Variants in PLA2G6 observed in about 807,000 individuals in gnomAD.
PLA2G6 encodes 85/88 kDa calcium-independent phospholipase A2.
PLA2G6 carries 62 observed loss-of-function variants against 83.8 expected under a neutral mutation model. That is an observed-to-expected ratio of 0.74 (90% CI 0.60 to 0.91). The LOEUF is 0.91. PLA2G6 is among the 40% of genes least tolerant of loss of function. The probability of loss-of-function intolerance (pLI) is 0.00; values close to 1 mark genes in which losing one functional copy is unlikely to be tolerated. For missense variants in PLA2G6, 944 were observed against 1,102.0 expected, an observed-to-expected ratio of 0.86 and a Z score of 2.03; for synonymous variants, 417 against 449.8, an observed-to-expected ratio of 0.93 and a Z score of 0.92.
intron 14 of PLA2G6, among the ~76,000 whole-genome samples, chr22:38,115,295 C>T (rs1407108910): frequency 2.0e-5 from 3 of 152,244 alleles, no homozygotes; most frequent in Non-Finnish European, 4.4e-5. Flanking sequence ...CCTCCCCACT[C>T]ATGCACACTT....
intron 12 of PLA2G6, among the ~76,000 whole-genome samples, chr22:38,118,109 A>G (rs2145697917): frequency 6.6e-6 from 1 of 152,274 alleles, no homozygotes; most frequent in East Asian, 1.9e-4. Context: ...TACATAAGGT[A>G]CGGTCAAAGA....
Position 38,143,305 on chromosome 22 carries a change from G to GGGTGAGCAGA in PLA2G6, c.426-27_426-18dup. 6.2e-7 allele frequency: 1 copy of GGGTGAGCAGA among 1,608,076 alleles called. No homozygotes were observed. The highest frequency in any genetic ancestry group is 8.5e-7 in the Non-Finnish European group (1 of 1,179,846). On this transcript the variant is annotated splice_polypyrimidine_tract_variant and intron_variant, in intron 3 of 16. Coordinates refer to ENST00000332509, the MANE Select transcript of PLA2G6 (RefSeq NM_003560.4). ...TTGGCACAGCTGCAGGAGAGGGCCAGGGTGAGCAGAGGTGAGCAGGTGTGG... is the reference window on the plus strand; with the variant it reads ...TTGGCACAGCTGCAGGAGAGGGCCAGGGTGAGCAGAGGTGAGCAGAGGTGAGCAGGTGTGG...
At chr22:38,120,183 A>ATT (rs1329164705) in intron 12 of PLA2G6, among the ~76,000 whole-genome samples, 1 of 152,252 alleles carries the variant, frequency 6.6e-6, no homozygotes, top group East Asian at 1.9e-4. Flanking sequence ...CTTCCCAAAC[A>ATT]AATGTTTCCT....
At chr22:38,138,676 A>C (rs1569269780) in intron 5 of PLA2G6, 1 of 151,532 alleles carries the variant, frequency 6.6e-6, no homozygotes. Context: ...GTTAGATAGT[A>C]TTTTTTTTCT....
At chr22:38,158,411 T>C (rs961754773) in intron 2 of PLA2G6, among the ~76,000 whole-genome samples, 9 of 152,298 alleles carry the variant, frequency 5.9e-5, no homozygotes, top group South Asian at 4.1e-4. Context: ...CCTCAGGTGA[T>C]CCACCCGCCT....
intron 14 of PLA2G6, among the ~76,000 whole-genome samples, chr22:38,114,738 A>T (rs2087086555): frequency 6.6e-6 from 1 of 152,170 alleles, no homozygotes; most frequent in Admixed American, 6.5e-5. Context: ...GGCTTCGGGA[A>T]ACCACAGCAG....
chr22:38,175,180 C>A (rs1416872018), intron 1 of PLA2G6, among the ~76,000 whole-genome samples: 1 of 152,190 alleles, frequency 6.6e-6, no homozygotes, highest in Non-Finnish European at 1.5e-5. Flanking sequence ...GGGGCCTGCA[C>A]TTGCGTCCTC....
At chr22:38,159,761 G>GAAGGAAGGAAGGAAGGAAGGAAGGA (rs543554981) in intron 2 of PLA2G6, among the ~76,000 whole-genome samples, 1 of 150,358 alleles carries the variant, frequency 6.7e-6, no homozygotes, top group African/African-American at 2.4e-5. Context: ...AGGAAGGAAG[G>GAAGGAAGGAAGGAAGGAAGGAAGGA]AGATCTTCAA....
intron 10 of PLA2G6, 125 bp downstream of exon 10, chr22:38,126,246 G>C (rs1299380178): frequency 6.6e-6 from 5 of 759,560 alleles, no homozygotes; most frequent in Non-Finnish European, 1.2e-5. Flanking sequence ...ATAAGACTAG[G>C]AGCAGAGCCA....
intron 2 of PLA2G6, among the ~76,000 whole-genome samples, chr22:38,161,975 C>G (rs1336417719): frequency 6.6e-6 from 1 of 152,048 alleles, no homozygotes; most frequent in Admixed American, 6.6e-5. Flanking sequence ...GAGGCCAAGG[C>G]AGGCATATCA....
At chr22:38,151,956 C>G (rs1415340073) in intron 2 of PLA2G6, among the ~76,000 whole-genome samples, 3 of 152,174 alleles carry the variant, frequency 2.0e-5, no homozygotes, top group Non-Finnish European at 4.4e-5. Flanking sequence ...CAAGGAGACC[C>G]TAACTCTATT....
At chr22:38,155,042 A>G (rs1009313866) in intron 2 of PLA2G6, among the ~76,000 whole-genome samples, 1 of 152,198 alleles carries the variant, frequency 6.6e-6, no homozygotes, top group Non-Finnish European at 1.5e-5. Flanking sequence ...CCTGGCTAAC[A>G]TGGTGAAATC....
chr22:38,125,314 G>A (rs983609006), intron 10 of PLA2G6, among the ~76,000 whole-genome samples: 6 of 152,102 alleles, frequency 3.9e-5, no homozygotes, highest in African/African-American at 9.7e-5. Flanking sequence ...GTGTGTGTGC[G>A]TGCATGTGTG....
chr22:38,153,243 C>T (rs1475573652), intron 2 of PLA2G6, among the ~76,000 whole-genome samples: 1 of 152,096 alleles, frequency 6.6e-6, no homozygotes, highest in Admixed American at 6.6e-5. Flanking sequence ...ACCAGCCTGG[C>T]CAACACGGAG....
rs9622732 is a variant in PLA2G6 at position 38,128,142 on chromosome 22, G to T, written c.1348+127C>A. The T allele has an allele frequency of 9.0e-6, 9 of 1,003,682 alleles. No homozygotes were observed. Among genetic ancestry groups the T allele is most frequent in the African/African-American group, 6.4e-5 (4 of 62,882 alleles). The allele number at this position is 1,003,682 out of a possible 1,614,324, so 62.2% of individuals were successfully genotyped here. ...TGGCTGCCTAGAGGCTGACAACTCCGGCCCCATCCTCCCCGGCTTCCTTTA... is the reference window on the plus strand; with the variant it reads ...TGGCTGCCTAGAGGCTGACAACTCCTGCCCCATCCTCCCCGGCTTCCTTTA... On this transcript the variant is annotated intron_variant, in intron 9 of 16. Transcript: ENST00000332509. This position sits in a 1 kb window ranked among gnomAD's most constrained non-coding sequence, Gnocchi z 4.4.
intron 2 of PLA2G6, among the ~76,000 whole-genome samples, chr22:38,151,291 C>T (rs542429408): frequency 3.6e-4 from 54 of 151,784 alleles, no homozygotes; most frequent in African/African-American, 1.1e-3. Flanking sequence ...CTGTCACCCA[C>T]GCTGGAGTGC....
chr22:38,160,379 G>C (rs560666137), intron 2 of PLA2G6, among the ~76,000 whole-genome samples: 58 of 152,270 alleles, frequency 3.8e-4, no homozygotes, highest in African/African-American at 1.3e-3. Flanking sequence ...TACCAGAAAT[G>C]TATGCATGTA....
At chr22:38,145,756 A>G in intron 2 of PLA2G6, 103 bp from the exon 3 acceptor site, 1 of 697,274 alleles carries the variant, frequency 1.4e-6, no homozygotes, top group Non-Finnish European at 2.5e-6. Flanking sequence ...CGGCCTGGCC[A>G]GCTCCAGCCC....
At chr22:38,120,654 G>A (rs1041154007) in intron 12 of PLA2G6, 105 bp downstream of exon 12, 1 of 1,376,708 alleles carries the variant, frequency 7.3e-7, no homozygotes, top group African/African-American at 1.4e-5. Context: ...CCTCAAGCGT[G>A]GGGCGCTCTT....
Sources: gnomAD v4.1 joint callset for allele counts (sites outside exome capture counted in the v4.1 genomes callset) on GRCh38, gnomAD v4.1.1 for gene constraint, Gnocchi (gnomAD v3.1) non-coding constraint, MANE v1.5 for transcripts, NCBI Gene and HGNC (gene_info 2026-07-23, HGNC 2026-07-21) for gene names.